The following DPH6 variants were observed in gnomAD, a reference collection of about 807,000 sequenced individuals.
The protein encoded by DPH6 is diphthamine biosynthesis 6.
Under a neutral mutation model 38.2 loss-of-function variants are expected in DPH6, and 33 were observed. The observed-to-expected ratio is 0.86, with a 90% CI of 0.65 to 1.15. The LOEUF (loss-of-function observed/expected upper bound fraction) is 1.15, where lower values mean the gene tolerates loss of function less well. Among genes scored for constraint, DPH6 ranks in the 50% most tolerant of loss-of-function variants. DPH6 has a pLI of 0.00. For synonymous variants in DPH6, 108 were observed against 103.0 expected, an observed-to-expected ratio of 1.05 and a Z score of -0.30; for missense variants, 325 against 320.0, an observed-to-expected ratio of 1.02 and a Z score of -0.12.
intron 6 of DPH6, among the ~76,000 whole-genome samples, chr15:35,395,776 G>A (rs897864146): frequency 1.3e-5 from 2 of 152,030 alleles, no homozygotes; most frequent in Non-Finnish European, 2.9e-5. Context: ...CCCCCCTCAC[G>A]TTCTATACTC....
chr15:35,186,304 A>C, the DPH6 span, among the ~76,000 whole-genome samples: 1 of 152,172 alleles, frequency 6.6e-6, no homozygotes, highest in Admixed American at 6.5e-5. Flanking sequence ...CAAAACCTTT[A>C]AGTGATTATT....
At chr15:35,486,887 A>G (rs1283611222) in intron 3 of DPH6, among the ~76,000 whole-genome samples, 1 of 152,302 alleles carries the variant, frequency 6.6e-6, no homozygotes, top group African/African-American at 2.4e-5. Context: ...TACTTACAAG[A>G]TACAACGGGG....
the DPH6 span, among the ~76,000 whole-genome samples, chr15:35,205,148 T>A: frequency 1.3e-5 from 2 of 152,018 alleles, no homozygotes; most frequent in African/African-American, 4.8e-5. Flanking sequence ...AGAGTTTGAT[T>A]TTTTTAAAAA....
intron 3 of DPH6, among the ~76,000 whole-genome samples, chr15:35,285,564 C>T (rs559985763): frequency 6.6e-6 from 1 of 152,204 alleles, no homozygotes; most frequent in South Asian, 2.1e-4. Flanking sequence ...AAATTAGTTT[C>T]TTTCTTTTGT....
intron 3 of DPH6, among the ~76,000 whole-genome samples, chr15:35,279,513 A>ATTAATAGCTT (rs767003586): frequency 1.0e-3 from 157 of 152,286 alleles, no homozygotes; most frequent in Non-Finnish European, 2.0e-3. Flanking sequence ...CAGATACCTC[A>ATTAATAGCTT]TTAATAGCTT....
At chr15:35,203,481 A>G in the DPH6 span, among the ~76,000 whole-genome samples, 1 of 151,732 alleles carries the variant, frequency 6.6e-6, no homozygotes, top group Admixed American at 6.6e-5. Context: ...TATCACTCTG[A>G]GATGAAAGAT....
At chr15:35,508,164 C>A (rs2054721003) in intron 3 of DPH6, among the ~76,000 whole-genome samples, 1 of 152,052 alleles carries the variant, frequency 6.6e-6, no homozygotes, top group Admixed American at 6.6e-5. Context: ...CACACCAGGT[C>A]CCAATATGCT....
intron 7 of DPH6, among the ~76,000 whole-genome samples, chr15:35,379,092 C>T (rs146598639): frequency 4.8e-4 from 73 of 152,308 alleles, no homozygotes; most frequent in African/African-American, 1.5e-3. Context: ...TCCCACATTT[C>T]TTGGCTCATG....
intron 3 of DPH6, among the ~76,000 whole-genome samples, chr15:35,259,935 G>A (rs1036891500): frequency 3.3e-5 from 5 of 152,126 alleles, no homozygotes; most frequent in Admixed American, 3.3e-4. Context: ...TGGTAGCCAG[G>A]GAGGAGACAT....
intron 3 of DPH6, among the ~76,000 whole-genome samples, chr15:35,222,859 A>G (rs1167938350): frequency 6.6e-6 from 1 of 152,068 alleles, no homozygotes. Flanking sequence ...CCCACAAGGA[A>G]TTTCCTTGTG....
At chr15:35,392,942 C>G (rs28576618) in intron 6 of DPH6, among the ~76,000 whole-genome samples, 49,207 of 152,042 alleles carry the variant, frequency 0.32, 8,773 homozygotes, top group African/African-American at 0.47. Flanking sequence ...TTTGGCATAG[C>G]TGGAGCATAA....
intron 6 of DPH6, among the ~76,000 whole-genome samples, chr15:35,392,106 C>T (rs546366415): frequency 7.3e-4 from 111 of 152,146 alleles, no homozygotes; most frequent in Non-Finnish European, 1.0e-3. Context: ...ATGTGGCTAA[C>T]TTGGGTGATT....
intron 3 of DPH6, chr15:35,238,267 C>CAAAAA: frequency 4.3e-6 from 1 of 234,712 alleles, no homozygotes; most frequent in South Asian, 5.9e-5. Flanking sequence ...TTTTTACTGC[C>CAAAAA]AAAAAAAAAA....
chr15:35,161,308 A>G, the DPH6 span, among the ~76,000 whole-genome samples: 1 of 151,618 alleles, frequency 6.6e-6, no homozygotes, highest in Non-Finnish European at 1.5e-5. Flanking sequence ...TCCTCCTTCA[A>G]CTTCCTAGGT....
At chr15:35,264,589 C>T (rs182524185) in intron 3 of DPH6, among the ~76,000 whole-genome samples, 1 of 152,268 alleles carries the variant, frequency 6.6e-6, no homozygotes, top group Non-Finnish European at 1.5e-5. Context: ...TTAAGTAGCT[C>T]TTGTATCTCC....
chr15:35,253,300 G>T (rs1297707555), intron 3 of DPH6, among the ~76,000 whole-genome samples: 1 of 152,148 alleles, frequency 6.6e-6, no homozygotes, highest in Non-Finnish European at 1.5e-5. Flanking sequence ...TGCAGGGAAG[G>T]AATAAAATTT....
chr15:35,222,907 C>T (rs318328), intron 3 of DPH6, among the ~76,000 whole-genome samples: 134,964 of 152,124 alleles, frequency 0.89, 60,335 homozygotes, highest in East Asian at 1. Flanking sequence ...TTTTAATCTT[C>T]GTAGCTATCT....
chr15:35,160,234 G>T, the DPH6 span, among the ~76,000 whole-genome samples: 2 of 151,722 alleles, frequency 1.3e-5, no homozygotes, highest in African/African-American at 4.8e-5. Flanking sequence ...CCTAATTATT[G>T]TCCCATTTCT....
chr15:35,442,311 A>C (rs1460711403), intron 5 of DPH6, among the ~76,000 whole-genome samples: 6 of 152,194 alleles, frequency 3.9e-5, no homozygotes, highest in African/African-American at 1.4e-4. Flanking sequence ...GAAATGCAAA[A>C]TAAAACCACA....
Sources: allele counts gnomAD v4.1 joint callset (sites outside exome capture counted in the v4.1 genomes callset), GRCh38; gene constraint gnomAD v4.1.1; transcripts MANE v1.5; gene names NCBI Gene and HGNC (gene_info 2026-07-23, HGNC 2026-07-21).